The following IDO2 variants were observed in gnomAD, a reference collection of about 807,000 sequenced individuals.
IDO2 encodes the protein indoleamine 2,3-dioxygenase-like 1 protein.
A neutral mutation model predicts 45.1 loss-of-function variants in IDO2; 46 were observed. The observed-to-expected ratio is 1.02, with a 90% CI of 0.80 to 1.30. The LOEUF is 1.30. Among genes scored for constraint, IDO2 ranks in the 50% most tolerant of loss-of-function variants. The pLI is 0.00. For synonymous variants in IDO2, 218 were observed against 184.9 expected (o/e 1.18, Z -1.45); for missense variants, 544 against 491.8 (o/e 1.11, Z -1.00).
At chr8:40,005,520 G>C (rs981556423) in intron 9 of IDO2, 142 bp downstream of exon 9, 1 of 464,902 alleles carries the variant, frequency 2.2e-6, no homozygotes, top group African/African-American at 1.9e-5. Context: ...GGTAAAAGAA[G>C]TGGGATACCA....
chr8:39,946,690 C>G (rs1490709396), intron 1 of IDO2, among the ~76,000 whole-genome samples: 2 of 152,190 alleles, frequency 1.3e-5, no homozygotes, highest in African/African-American at 4.8e-5. Flanking sequence ...AAACTCCAGT[C>G]TCCCGCACAG....
intron 1 of IDO2, among the ~76,000 whole-genome samples, chr8:39,947,552 G>A (rs972415771): frequency 2.6e-5 from 4 of 152,080 alleles, no homozygotes; most frequent in Non-Finnish European, 5.9e-5. Flanking sequence ...CTCTACCTGT[G>A]CCTCTTTTAA....
At chr8:40,015,606 G>T (rs1450030305) in exon 11 of IDO2, 1 of 1,599,996 alleles carries the variant, frequency 6.3e-7, no homozygotes, top group Non-Finnish European at 8.5e-7. Flanking sequence ...TGGTTAGGAG[G>T]CTGCCCTCTC....
chr8:40,009,841 G>A (rs1488548400), intron 9 of IDO2, among the ~76,000 whole-genome samples: 1 of 152,082 alleles, frequency 6.6e-6, no homozygotes, highest in Admixed American at 6.6e-5. Context: ...CTTTTAAGTT[G>A]GCCACGTTCT....
At chr8:40,002,661 T>A (rs532716252) in intron 8 of IDO2, among the ~76,000 whole-genome samples, 32 of 152,212 alleles carry the variant, frequency 2.1e-4, no homozygotes, top group Non-Finnish European at 3.5e-4. Context: ...GGCACTTGAA[T>A]TCTAGCTACT....
intron 2 of IDO2, among the ~76,000 whole-genome samples, chr8:39,955,069 C>T (rs1313792611): frequency 6.6e-6 from 1 of 150,868 alleles, no homozygotes; most frequent in Non-Finnish European, 1.5e-5. Context: ...GGCCTATCTC[C>T]AAATACAGTT....
chr8:39,963,962 AGAATCTGGGTGG>A (rs1430678900), intron 3 of IDO2, among the ~76,000 whole-genome samples: 1 of 152,218 alleles, frequency 6.6e-6, no homozygotes, highest in Non-Finnish European at 1.5e-5. Flanking sequence ...TGTTTAAAGA[AGAATCTGGGTGG>A]GAATGATAAA....
chr8:39,976,995 G>C (rs1008561392), intron 3 of IDO2, among the ~76,000 whole-genome samples: 1 of 152,038 alleles, frequency 6.6e-6, no homozygotes, highest in Non-Finnish European at 1.5e-5. Context: ...TGTGAGAAAA[G>C]TATTAATAAT....
At chr8:39,971,240 C>T (rs763488884) in intron 3 of IDO2, among the ~76,000 whole-genome samples, 20 of 152,130 alleles carry the variant, frequency 1.3e-4, no homozygotes, top group East Asian at 7.7e-4. Context: ...GCTCTGTAAA[C>T]GGACAATAAG....
chr8:40,013,616 C>T (rs2001923), exon 10 of IDO2: 94,863 of 1,613,606 alleles, frequency 0.059, 3,537 homozygotes, highest in African/African-American at 0.17. Context: ...AAGGAGTTTC[C>T]CAAGAGCCCC....
chr8:39,968,638 C>T (rs1270766132), intron 3 of IDO2, among the ~76,000 whole-genome samples: 1 of 151,646 alleles, frequency 6.6e-6, no homozygotes, highest in East Asian at 1.9e-4. Context: ...CATGTTCTTA[C>T]TTATAAGTGG....
intron 2 of IDO2, among the ~76,000 whole-genome samples, chr8:39,951,493 C>T (rs919338245): frequency 5.3e-5 from 8 of 152,110 alleles, no homozygotes; most frequent in South Asian, 2.1e-4. Context: ...GAGTCGGTCA[C>T]GCTAAGTTGC....
In IDO2 at chr8:39,952,003, G is replaced by A. The variant is rs564304942; in HGVS notation, c.99+2739G>A. Among the ~76,000 whole-genome samples, 10 of 152,304 alleles carry A rather than the reference G, an allele frequency of 6.6e-5. No homozygotes were observed. The South Asian group carries it at 8.3e-4, about 13-fold the overall frequency. Reference sequence around the variant, plus strand: ...GCTTATGCAGAAAAAAGTCCCTTGGGAAAGTGGTTTTACTGTGTTATGTTC... The same window carrying A: ...GCTTATGCAGAAAAAAGTCCCTTGGAAAAGTGGTTTTACTGTGTTATGTTC... On this transcript the variant is annotated intron_variant, in intron 2 of 10. Transcript: ENST00000502986.
rs147034025 is a variant in IDO2 at position 39,963,811 on chromosome 8, CATT to C, written c.195+109_195+111del. ...ATTGTCCTGGGAAACTGTTCATTACCATTGAACTTATCAGCAAAGCTATATCTT... is the reference window on the plus strand; with the variant it reads ...ATTGTCCTGGGAAACTGTTCATTACCGAACTTATCAGCAAAGCTATATCTT... On this transcript the variant is annotated intron_variant, in intron 3 of 10. Transcript: ENST00000502986. 8.4e-3 allele frequency: 5,309 copies of C among 635,742 alleles called. 216 individuals are homozygous for C. In the African/African-American group the frequency reaches 0.085, roughly 10 times the overall value. 39.4% of individuals were successfully genotyped at this position (635,742 alleles called of 1,614,324 possible).
intron 2 of IDO2, among the ~76,000 whole-genome samples, chr8:39,953,835 A>G (rs1807848319): frequency 6.6e-6 from 1 of 152,162 alleles, no homozygotes. Flanking sequence ...GTCTCAAAAC[A>G]AAAACAAAAA....
chr8:39,998,850 C>T (rs1802092649), intron 8 of IDO2, among the ~76,000 whole-genome samples: 1 of 151,806 alleles, frequency 6.6e-6, no homozygotes, highest in Non-Finnish European at 1.5e-5. Flanking sequence ...GCCATGTTGC[C>T]AAGGCTGGTG....
intron 1 of IDO2, among the ~76,000 whole-genome samples, chr8:39,939,546 C>CAAAAAAAA (rs55892879): frequency 5.6e-5 from 4 of 71,268 alleles, no homozygotes; most frequent in Non-Finnish European, 7.3e-5. Context: ...GACTCTGTCT[C>CAAAAAAAA]AAAAAAAAAA....
In IDO2 at chr8:39,934,942, GT is replaced by G; in HGVS notation, c.-291del. 1 of 617,206 alleles carries G rather than the reference GT, an allele frequency of 1.6e-6. No homozygotes were observed. 38.2% of individuals were successfully genotyped at this position (617,206 alleles called of 1,614,324 possible). A position where few individuals can be genotyped will look rare whatever the true frequency, so the allele number is the denominator to read the frequency against. ...TGCAAAGTTGAGTCCATACACACTG[GT>G]TTGGAAATTTCAGTCCAGATGATAG... On this transcript the variant is annotated 5_prime_UTR_variant, in exon 1 of 11. It removes the in-frame stop codon of an upstream open reading frame in the 5' UTR. Coordinates refer to ENST00000502986, the Ensembl canonical transcript of IDO2.
intron 9 of IDO2, among the ~76,000 whole-genome samples, chr8:40,010,387 C>T (rs1362102857): frequency 1.3e-5 from 2 of 152,068 alleles, no homozygotes; most frequent in African/African-American, 2.4e-5. Context: ...CAGTAGAGAC[C>T]GGATCATGTA....
Sources: allele counts gnomAD v4.1 joint callset (sites outside exome capture counted in the v4.1 genomes callset), GRCh38; gene constraint gnomAD v4.1.1; transcripts MANE v1.5; gene names NCBI Gene and HGNC (gene_info 2026-07-23, HGNC 2026-07-21).